Variants in ABCA13 observed in about 807,000 individuals in gnomAD.
ABCA13 encodes ATP binding cassette subfamily A member 13.
A neutral mutation model predicts 478.7 loss-of-function variants in ABCA13; 476 were observed. That is an observed-to-expected ratio of 0.99 (90% CI 0.92 to 1.07). The LOEUF (loss-of-function observed/expected upper bound fraction) is 1.07, where lower values mean the gene tolerates loss of function less well. Among genes scored for constraint, ABCA13 ranks in the 50% least tolerant of loss-of-function variants. ABCA13 has a pLI of 0.00. For synonymous variants in ABCA13, 2,252 were observed against 2,158.9 expected (o/e 1.04, Z -1.20); for missense variants, 6,060 against 5,910.6 (o/e 1.03, Z -0.83).
chr7:48,427,827 C>A lies in ABCA13; in HGVS notation c.12521C>A (p.Ser4174Ter). The A allele has an allele frequency of 6.2e-7, 1 of 1,611,674 alleles. No individual in the cohort carries two copies. The highest frequency in any genetic ancestry group is 1.1e-5 in the South Asian group (1 of 90,816). Residue 4174 changes from serine to a stop codon, truncating the protein, a stop_gained, in exon 42 of 62, where the codon TCA (serine) becomes TAA (stop). Transcript: ENST00000435803. LOFTEE classifies it high-confidence loss of function. Reference protein sequence around the residue: ...KKSHIALGTESELQNHRPTGH... With the variant: ...KKSHIALGTE ...TCTCACATTGCCCTGGGGACTGAGT[C>A]AGAGCTGCAGAACCACAGGCCTACA...
In ABCA13 at chr7:48,374,374, C is replaced by A. The variant is rs1054156439; in HGVS notation, c.11161C>A (p.Gln3721Lys). The A allele has an allele frequency of 6.2e-7, 1 of 1,610,380 alleles. No homozygotes were observed. Among genetic ancestry groups the A allele is most frequent in the East Asian group, 2.2e-5 (1 of 44,708 alleles). ...CCTTCTTTCGACAACCGCCTTTGGA[C>A]AAGGGGTATTTTTTATTACATTCCT... ...LCLLSTTAFGQGVFFITFLEG... is the reference protein window; with the variant it reads ...LCLLSTTAFGKGVFFITFLEG... The change falls in exon 34 of 62, where the codon CAA becomes AAA. Residue 3721 changes from glutamine (Q) to lysine (K), a missense_variant. Around this residue, in one of 3 missense-constraint regions of ABCA13, gnomAD observed 4,423 missense variants for 4,309.1 expected, o/e 1.03. Coordinates refer to ENST00000435803, the MANE Select transcript of ABCA13 (RefSeq NM_152701.5).
chr7:48,171,637 TC>T, intron 1 of ABCA13, 85 bp downstream of exon 1: 1 of 1,409,762 alleles, frequency 7.1e-7, no homozygotes, highest in Non-Finnish European at 9.7e-7. Flanking sequence ...TGCCTCTGCC[TC>T]CTGGCAGGTA....
At chr7:48,445,553 TC>T (rs369282274) in intron 42 of ABCA13, among the ~76,000 whole-genome samples, 3 of 152,100 alleles carry the variant, frequency 2.0e-5, no homozygotes, top group African/African-American at 7.2e-5. Context: ...GTCTACTCTT[TC>T]CCCCTTCTCT....
At chr7:48,516,144 C>T (rs1277187410) in intron 51 of ABCA13, among the ~76,000 whole-genome samples, 1 of 152,202 alleles carries the variant, frequency 6.6e-6, no homozygotes, top group Non-Finnish European at 1.5e-5. Context: ...AAAATTGCAT[C>T]TATAATTCAG....
At chr7:48,489,130 C>T in intron 47 of ABCA13, 106 bp from the exon 48 acceptor site, 2 of 863,348 alleles carry the variant, frequency 2.3e-6, no homozygotes, top group Non-Finnish European at 3.6e-6. Flanking sequence ...CACTCAGGTG[C>T]CTTGGAAGTT....
intron 1 of ABCA13, among the ~76,000 whole-genome samples, chr7:48,182,708 A>G (rs972740217): frequency 6.6e-6 from 1 of 152,254 alleles, no homozygotes; most frequent in Non-Finnish European, 1.5e-5. Context: ...TCTTTCTGTC[A>G]GTATCCAACT....
rs1482548896 is a variant in ABCA13, at chr7:48,594,716, C to T, written c.14647C>T (p.Pro4883Ser). Residue 4883 changes from proline (P) to serine (S), a missense_variant, in exon 58 of 62, where the codon CCC (proline) becomes TCC (serine). By Grantham distance (74) the Pro-to-Ser change is moderately conservative. Coordinates refer to ENST00000435803, the MANE Select transcript of ABCA13 (RefSeq NM_152701.5). ...TGTGTTGCCTTTCCTTCAGGATGAGCCCAGCTCTGGGATGGATCCCTGCTC... is the reference window on the plus strand; with the variant it reads ...TGTGTTGCCTTTCCTTCAGGATGAGTCCAGCTCTGGGATGGATCCCTGCTC... ...GKPDILLLDE[P>S]SSGMDPCSKR... 2 of 1,613,684 alleles carry T rather than the reference C, an allele frequency of 1.2e-6. No individual in the cohort carries two copies. The highest frequency in any genetic ancestry group is 1.3e-5 in the African/African-American group (1 of 74,906).
At chr7:48,200,575 A>G (rs1798536902) in intron 3 of ABCA13, among the ~76,000 whole-genome samples, 1 of 152,212 alleles carries the variant, frequency 6.6e-6, no homozygotes, top group Non-Finnish European at 1.5e-5. Context: ...TTTGAGAACG[A>G]AGAATGAAAT....
intron 37 of ABCA13, among the ~76,000 whole-genome samples, chr7:48,391,568 C>T (rs1047954130): frequency 1.3e-5 from 2 of 152,154 alleles, no homozygotes; most frequent in Non-Finnish European, 2.9e-5. Flanking sequence ...GTTTTGGGTA[C>T]ACTTAAGGTA....
intron 3 of ABCA13, among the ~76,000 whole-genome samples, chr7:48,211,547 T>A (rs1027066710): frequency 6.6e-6 from 1 of 152,046 alleles, no homozygotes; most frequent in African/African-American, 2.4e-5. Context: ...CATGGTACCA[T>A]GTTGGGTCAC....
intron 39 of ABCA13, among the ~76,000 whole-genome samples, chr7:48,409,234 G>A (rs180676444): frequency 1.3e-5 from 2 of 152,314 alleles, no homozygotes; most frequent in Admixed American, 1.3e-4. Flanking sequence ...AGCCAATAGG[G>A]AGTGTCGAAG....
intron 43 of ABCA13, among the ~76,000 whole-genome samples, chr7:48,463,110 G>C (rs13242917): frequency 6.6e-6 from 1 of 152,012 alleles, no homozygotes; most frequent in South Asian, 2.1e-4. Context: ...GTGCTTCTCT[G>C]TTTTTTTGTT....
At chr7:48,527,524 C>T (rs1314207661) in intron 54 of ABCA13, among the ~76,000 whole-genome samples, 2 of 152,086 alleles carry the variant, frequency 1.3e-5, no homozygotes, top group Non-Finnish European at 2.9e-5. Context: ...ACAGTATATG[C>T]TGAGGCACAT....
intron 1 of ABCA13, among the ~76,000 whole-genome samples, chr7:48,180,482 G>A (rs1043186936): frequency 3.9e-5 from 6 of 152,090 alleles, no homozygotes; most frequent in East Asian, 1.9e-4. Flanking sequence ...GTGCAATGGC[G>A]TGATCTCAGC....
chr7:48,456,898 T>A (rs1430351060), intron 43 of ABCA13, among the ~76,000 whole-genome samples: 2 of 152,272 alleles, frequency 1.3e-5, no homozygotes, highest in Non-Finnish European at 2.9e-5. Flanking sequence ...CCATCAGACA[T>A]TTCTATTAGA....
rs146754618 is a variant in ABCA13, at chr7:48,409,726, A to G, written c.12071-794A>G. Among the ~76,000 whole-genome samples the G allele has an allele frequency of 5.9e-5, 9 of 152,102 alleles. No homozygotes were observed. In the East Asian group the frequency reaches 1.7e-3, roughly 29 times the overall value. Reference sequence around the variant, plus strand: ...ACTCAGTGCTATGATTTTCTTATTCAATTGCGCTTCCATAAAATATAGCCT... The same window carrying G: ...ACTCAGTGCTATGATTTTCTTATTCGATTGCGCTTCCATAAAATATAGCCT... On this transcript the variant is annotated intron_variant, in intron 39 of 61. Coordinates refer to ENST00000435803, the MANE Select transcript of ABCA13 (RefSeq NM_152701.5).
chr7:48,622,645 C>T (rs888900779), intron 59 of ABCA13, among the ~76,000 whole-genome samples: 1 of 152,096 alleles, frequency 6.6e-6, no homozygotes, highest in African/African-American at 2.4e-5. Context: ...TTTGTCTTCA[C>T]CATTTATTAT....
At position 48,288,079 on chromosome 7, in the gene ABCA13, G is replaced by A. The variant is rs748806826; in HGVS notation, c.8955+1G>A. The A allele has an allele frequency of 5.6e-6, 9 of 1,612,166 alleles. No homozygotes were observed. The East Asian group carries it at 1.1e-4, about 20-fold the overall frequency. On this transcript the variant is annotated splice_donor_variant, in intron 20 of 61. Coordinates refer to ENST00000435803, the MANE Select transcript of ABCA13 (RefSeq NM_152701.5). LOFTEE classifies it high-confidence loss of function. ...CACTTTGGCGCAGGACCACTTCCAG[G>A]TTTGTCGTCTTTAATATTTCAGAGA...
intron 48 of ABCA13, among the ~76,000 whole-genome samples, chr7:48,491,081 G>A (rs2130704383): frequency 6.6e-6 from 1 of 152,292 alleles, no homozygotes; most frequent in East Asian, 1.9e-4. Flanking sequence ...TTAGAGTTCA[G>A]TACTGATGAC....
Sources: allele counts gnomAD v4.1 joint callset (sites outside exome capture counted in the v4.1 genomes callset), GRCh38; gene constraint gnomAD v4.1.1; regional missense constraint gnomAD v4.1.1; transcripts MANE v1.5; gene names NCBI Gene and HGNC (gene_info 2026-07-23, HGNC 2026-07-21).